The following ZNF722 variants were observed in gnomAD, a reference collection of about 807,000 sequenced individuals.
The protein encoded by ZNF722 is zinc finger protein 722.
chr7:64,014,232 A>G, the ZNF722 span, among the ~76,000 whole-genome samples: 1 of 150,498 alleles, frequency 6.6e-6, no homozygotes, highest in Non-Finnish European at 1.5e-5. Flanking sequence ...TATTATTCCA[A>G]GCCTTTTGTT....
At chr7:64,017,962 T>C in the ZNF722 span, among the ~76,000 whole-genome samples, 1 of 152,328 alleles carries the variant, frequency 6.6e-6, no homozygotes, top group Admixed American at 6.5e-5. Context: ...GTGAAAGTAT[T>C]TGATCAATTG....
chr7:64,007,238 A>G, the ZNF722 span, among the ~76,000 whole-genome samples: 34 of 112,868 alleles, frequency 3.0e-4, no homozygotes, highest in Non-Finnish European at 4.7e-4. Context: ...GTGTATATAT[A>G]TATATATATA....
chr7:64,015,412 A>G, the ZNF722 span: 1 of 1,569,138 alleles, frequency 6.4e-7, no homozygotes, highest in Non-Finnish European at 8.7e-7. Context: ...TACAAATGTG[A>G]AGAATGCGGC....
At chr7:64,017,846 T>A in the ZNF722 span, among the ~76,000 whole-genome samples, 1 of 152,186 alleles carries the variant, frequency 6.6e-6, no homozygotes, top group African/African-American at 2.4e-5. Context: ...ATAATTACAT[T>A]CGAGCTATGC....
chr7:64,014,840 T>C, the ZNF722 span, among the ~76,000 whole-genome samples: 1 of 152,234 alleles, frequency 6.6e-6, no homozygotes, highest in Non-Finnish European at 1.5e-5. Flanking sequence ...ATTCTATAAA[T>C]TTCCAACAAA....
At chr7:64,015,639 A>G in the ZNF722 span, 3 of 1,613,956 alleles carry the variant, frequency 1.9e-6, no homozygotes, top group African/African-American at 1.3e-5. Context: ...GAGAATTCAT[A>G]CTGGAGAGAG....
At chr7:64,012,987 G>T in the ZNF722 span, among the ~76,000 whole-genome samples, 1 of 152,110 alleles carries the variant, frequency 6.6e-6, no homozygotes, top group Admixed American at 6.6e-5. Context: ...GTTCTTTTTT[G>T]ACTTCCACTG....
At chr7:64,015,572 C>T in the ZNF722 span, 3 of 1,613,682 alleles carry the variant, frequency 1.9e-6, no homozygotes, top group African/African-American at 2.7e-5. Context: ...AGAAACCCTA[C>T]ACATGTGAAG....
At chr7:64,002,202 A>T in the ZNF722 span, among the ~76,000 whole-genome samples, 2 of 151,962 alleles carry the variant, frequency 1.3e-5, no homozygotes, top group Non-Finnish European at 2.9e-5. Context: ...TTATGTCTCG[A>T]CGTTCTTCAT....
chr7:64,012,013 C>A, the ZNF722 span, among the ~76,000 whole-genome samples: 3 of 152,206 alleles, frequency 2.0e-5, no homozygotes, highest in Middle Eastern at 3.4e-3. Context: ...CACTTCATTT[C>A]ATTAATTTGA....
chr7:64,005,617 G>C, the ZNF722 span: 20 of 1,161,592 alleles, frequency 1.7e-5, no homozygotes, highest in Admixed American at 3.6e-4. Context: ...TTCAGAGACT[G>C]TTGACATTCA....
the ZNF722 span, among the ~76,000 whole-genome samples, chr7:64,006,788 GT>G: frequency 3.3e-5 from 5 of 151,258 alleles, no homozygotes; most frequent in Non-Finnish European, 5.9e-5. Flanking sequence ...GAAATATAAA[GT>G]TTTTTTACAA....
chr7:64,005,163 G>T, the ZNF722 span, among the ~76,000 whole-genome samples: 6 of 152,248 alleles, frequency 3.9e-5, no homozygotes, highest in East Asian at 1.2e-3. Context: ...GCCAGGCATG[G>T]TGGCTCACGC....
At chr7:64,004,843 C>T in the ZNF722 span, among the ~76,000 whole-genome samples, 2 of 152,116 alleles carry the variant, frequency 1.3e-5, no homozygotes, top group Non-Finnish European at 2.9e-5. Flanking sequence ...TCTTACTAGG[C>T]TAGAAACATT....
the ZNF722 span, chr7:64,015,770 C>T: frequency 3.1e-6 from 5 of 1,612,540 alleles, no homozygotes; most frequent in South Asian, 5.5e-5. Context: ...GAGCCTTTAA[C>T]TGCTCCTCAA....
At chr7:64,013,904 A>G in the ZNF722 span, among the ~76,000 whole-genome samples, 3 of 151,784 alleles carry the variant, frequency 2.0e-5, no homozygotes, top group Non-Finnish European at 4.4e-5. Flanking sequence ...TTTGCTGATT[A>G]CATTATTCTC....
chr7:64,007,230 G>GTGTATA, the ZNF722 span, among the ~76,000 whole-genome samples: 32 of 138,500 alleles, frequency 2.3e-4, no homozygotes, highest in South Asian at 4.4e-4. Flanking sequence ...GTTTGTGTGT[G>GTGTATA]TATATATATA....
At chr7:64,010,576 G>T in the ZNF722 span, among the ~76,000 whole-genome samples, 1 of 152,190 alleles carries the variant, frequency 6.6e-6, no homozygotes, top group Admixed American at 6.5e-5. Context: ...TTAATCCTGA[G>T]TTCTAATTTG....
the ZNF722 span, among the ~76,000 whole-genome samples, chr7:64,012,529 G>A: frequency 6.6e-6 from 1 of 152,210 alleles, no homozygotes. Context: ...CAACAGTCAA[G>A]TCCCTCAGCT....
Sources: allele counts gnomAD v4.1 joint callset (sites outside exome capture counted in the v4.1 genomes callset), GRCh38; gene constraint gnomAD v4.1.1; transcripts MANE v1.5; gene names NCBI Gene and HGNC (gene_info 2026-07-23, HGNC 2026-07-21).